The following TUSC3 variants were observed in gnomAD, a reference collection of about 807,000 sequenced individuals.
TUSC3 encodes the protein dolichyl-diphosphooligosaccharide--protein glycosyltransferase subunit TUSC3.
A neutral mutation model predicts 44.8 loss-of-function variants in TUSC3; 45 were observed. That is an observed-to-expected ratio of 1.00 (90% CI 0.79 to 1.29). The LOEUF is 1.29. TUSC3 is among the 50% of genes most tolerant of loss of function. The probability of loss-of-function intolerance (pLI) is 0.00; values close to 1 mark genes in which losing one functional copy is unlikely to be tolerated. For synonymous variants in TUSC3, 212 were observed against 152.9 expected, an observed-to-expected ratio of 1.39 and a Z score of -2.85; for missense variants, 519 against 437.9, an observed-to-expected ratio of 1.19 and a Z score of -1.65.
the TUSC3 span, among the ~76,000 whole-genome samples, chr8:15,848,451 C>T: frequency 6.6e-6 from 1 of 152,194 alleles, no homozygotes; most frequent in Non-Finnish European, 1.5e-5. Flanking sequence ...AAACCCAGGG[C>T]AGGCTGCTTT....
intron 1 of TUSC3, among the ~76,000 whole-genome samples, chr8:15,445,471 G>A (rs1381404963): frequency 1.3e-5 from 2 of 152,280 alleles, no homozygotes; most frequent in African/African-American, 2.4e-5. Flanking sequence ...GCGGCCTTCC[G>A]CAGTGTTTGT....
chr8:15,619,498 T>A (rs1585159867), intron 1 of TUSC3, among the ~76,000 whole-genome samples: 1 of 152,066 alleles, frequency 6.6e-6, no homozygotes, highest in East Asian at 1.9e-4. Flanking sequence ...TCCATATATT[T>A]TTTTTTTTTT....
In TUSC3 at chr8:15,765,533, G is replaced by A. The variant is rs1040080516; in HGVS notation, c.*1377G>A. 4.0e-5 allele frequency: 6 copies of A among 151,888 alleles called. No homozygotes were observed. The highest frequency in any genetic ancestry group is 7.4e-5 in the Non-Finnish European group (5 of 67,916). 9.4% of individuals were successfully genotyped at this position (151,888 alleles called of 1,614,324 possible). A position where few individuals can be genotyped will look rare whatever the true frequency, so the allele number is the denominator to read the frequency against. The stretch of plus-strand genomic sequence containing the variant: ...TTTCAATGAAGAATGGGAATATAAA[G>A]GCCTACTGGGGCATGTTTATCAAGT... On this transcript the variant is annotated 3_prime_UTR_variant, in exon 11 of 11. Coordinates refer to ENST00000503731, the MANE Select transcript of TUSC3 (RefSeq NM_006765.4).
At chr8:15,616,659 A>C (rs1196378952) in intron 1 of TUSC3, among the ~76,000 whole-genome samples, 1 of 152,210 alleles carries the variant, frequency 6.6e-6, no homozygotes, top group Admixed American at 6.5e-5. Flanking sequence ...AATATTTTTC[A>C]TTCATTCTGG....
chr8:15,524,652 G>T (rs1009998856), intron 2 of TUSC3, among the ~76,000 whole-genome samples: 1 of 152,088 alleles, frequency 6.6e-6, no homozygotes, highest in Non-Finnish European at 1.5e-5. Flanking sequence ...TTTATATTTT[G>T]CAGGTAGCTA....
chr8:15,545,391 C>G (rs924432131), intron 1 of TUSC3, among the ~76,000 whole-genome samples: 3 of 151,464 alleles, frequency 2.0e-5, no homozygotes, highest in African/African-American at 7.3e-5. Context: ...TAAAAATGGG[C>G]AGTACACTTC....
chr8:15,481,484 C>A (rs1800660531), intron 1 of TUSC3, among the ~76,000 whole-genome samples: 1 of 152,072 alleles, frequency 6.6e-6, no homozygotes, highest in Non-Finnish European at 1.5e-5. Flanking sequence ...GTTCCTCAAT[C>A]TTGCACCTCT....
At chr8:15,786,167 C>A in the TUSC3 span, among the ~76,000 whole-genome samples, 1 of 152,122 alleles carries the variant, frequency 6.6e-6, no homozygotes, top group Non-Finnish European at 1.5e-5. Context: ...GCAGACTAAG[C>A]ACAAATGTTT....
intron 1 of TUSC3, among the ~76,000 whole-genome samples, chr8:15,467,116 G>C (rs747545228): frequency 3.3e-5 from 5 of 151,966 alleles, no homozygotes; most frequent in Non-Finnish European, 7.4e-5. Flanking sequence ...ATTCAGAAAG[G>C]AGGCATAAAT....
intron 1 of TUSC3, among the ~76,000 whole-genome samples, chr8:15,572,118 TTC>T (rs1802901373): frequency 6.6e-6 from 1 of 152,164 alleles, no homozygotes; most frequent in Non-Finnish European, 1.5e-5. Flanking sequence ...AGGCATCGAC[TTC>T]TCTCTAGCCA....
chr8:15,682,483 C>T (rs933612955), intron 6 of TUSC3, among the ~76,000 whole-genome samples: 1 of 151,948 alleles, frequency 6.6e-6, no homozygotes, highest in African/African-American at 2.4e-5. Context: ...TAAGTACAAC[C>T]TCTGCTCTGT....
the TUSC3 span, among the ~76,000 whole-genome samples, chr8:15,819,684 T>C: frequency 3.4e-4 from 52 of 152,352 alleles, no homozygotes; most frequent in Non-Finnish European, 6.6e-4. Context: ...AATGAAACTT[T>C]CATTCACTGA....
chr8:15,594,120 A>C (rs1328354854), intron 1 of TUSC3, among the ~76,000 whole-genome samples: 1 of 152,180 alleles, frequency 6.6e-6, no homozygotes, highest in Non-Finnish European at 1.5e-5. Context: ...AGGCCACTTA[A>C]AGTTGTCCCA....
chr8:15,723,856 AC>A (rs1470118167), intron 6 of TUSC3, among the ~76,000 whole-genome samples: 4 of 152,134 alleles, frequency 2.6e-5, no homozygotes, highest in Non-Finnish European at 5.9e-5. Context: ...CACAAAGGAG[AC>A]TCAGGACTAG....
intron 2 of TUSC3, among the ~76,000 whole-genome samples, chr8:15,485,070 C>T (rs2129125104): frequency 6.6e-6 from 1 of 152,262 alleles, no homozygotes; most frequent in Admixed American, 6.5e-5. Flanking sequence ...TTCATTTGCA[C>T]TTTCAGTCAA....
intron 10 of TUSC3, among the ~76,000 whole-genome samples, chr8:15,761,244 T>G (rs1812156625): frequency 1.3e-5 from 2 of 152,180 alleles, no homozygotes; most frequent in Non-Finnish European, 2.9e-5. Flanking sequence ...CATTTTCATC[T>G]AAATTGTGGT....
intron 1 of TUSC3, among the ~76,000 whole-genome samples, chr8:15,560,531 C>G (rs542111077): frequency 6.7e-6 from 1 of 149,668 alleles, no homozygotes; most frequent in African/African-American, 2.4e-5. Flanking sequence ...TCTGTGTTTC[C>G]TGAATCTGAA....
At chr8:15,679,770 A>T (rs145696038) in intron 6 of TUSC3, among the ~76,000 whole-genome samples, 2 of 152,126 alleles carry the variant, frequency 1.3e-5, no homozygotes, top group African/African-American at 4.8e-5. Flanking sequence ...TTTTGTATAT[A>T]TGGAAAGCTA....
At chr8:15,846,277 AGTT>A in the TUSC3 span, among the ~76,000 whole-genome samples, 1 of 152,210 alleles carries the variant, frequency 6.6e-6, no homozygotes. Context: ...ATTCAACACA[AGTT>A]CACATGCCTC....
Sources: allele counts gnomAD v4.1 joint callset (sites outside exome capture counted in the v4.1 genomes callset), GRCh38; gene constraint gnomAD v4.1.1; transcripts MANE v1.5; gene names NCBI Gene and HGNC (gene_info 2026-07-23, HGNC 2026-07-21).